AFF2: variants seen among roughly 807,000 people sequenced by gnomAD.
The protein encoded by AFF2 is AF4/FMR2 family member 2.
In AFF2, 14 loss-of-function variants were observed where a neutral mutation model predicts 76.9. The ratio of observed to expected loss-of-function variants is 0.18; its 90% CI spans 0.12 to 0.28. The LOEUF (loss-of-function observed/expected upper bound fraction) is 0.28. AFF2 is among the 10% of genes least tolerant of loss of function. AFF2 has a pLI of 1.00. For missense variants in AFF2, 868 were observed against 1,001.1 expected, an observed-to-expected ratio of 0.87 and a Z score of 1.79; for synonymous variants, 398 against 366.7, an observed-to-expected ratio of 1.09 and a Z score of -0.98.
chrX:148,633,475 C>T (rs1278329747), intron 1 of AFF2, among the ~76,000 whole-genome samples: 1 of 112,272 alleles, frequency 8.9e-6, no homozygotes, highest in African/African-American at 3.2e-5. Flanking sequence ...ATACACAAGC[C>T]TCATCAGCAT....
At chrX:148,882,654 A>AT (rs1240160122) in intron 7 of AFF2, among the ~76,000 whole-genome samples, 1 of 111,740 alleles carries the variant, frequency 8.9e-6, no homozygotes, top group Non-Finnish European at 1.9e-5. Context: ...AGAGATTACC[A>AT]TTTTTCTGCT....
intron 1 of AFF2, among the ~76,000 whole-genome samples, chrX:148,605,420 A>G (rs2053663260): frequency 9.0e-6 from 1 of 111,527 alleles, no homozygotes; most frequent in African/African-American, 3.3e-5. Context: ...AAATAGATAT[A>G]AACATGTATA....
intron 3 of AFF2, among the ~76,000 whole-genome samples, chrX:148,666,944 T>C (rs2054366648): frequency 8.9e-6 from 1 of 112,435 alleles, no homozygotes. Context: ...GCTTGCCAAG[T>C]AAATAATCAC....
chrX:148,951,165 G>GCA (rs781825506), intron 9 of AFF2, among the ~76,000 whole-genome samples: 5 of 39,092 alleles, frequency 1.3e-4, no homozygotes, highest in Non-Finnish European at 3.0e-4. Context: ...ACACATACAC[G>GCA]CACACACACA....
intron 4 of AFF2, among the ~76,000 whole-genome samples, chrX:148,829,166 A>G (rs2070423211): frequency 8.9e-6 from 1 of 112,543 alleles, no homozygotes; most frequent in African/African-American, 3.2e-5. Flanking sequence ...ATCATAAGTT[A>G]GTGTTAGAAA....
At position 148,994,220 on chromosome X, in the gene AFF2, C is replaced by G. The variant is rs782444131; in HGVS notation, c.*2888C>G. ...CCAGGTAGGGCCACCACTACGCCTT[C>G]ACTTGTCACCCAAGCTCCAACCACA... On this transcript the variant is annotated 3_prime_UTR_variant, in exon 21 of 21. Transcript: ENST00000370460. 3 of 112,240 alleles carry G rather than the reference C, an allele frequency of 2.7e-5. No individual in the cohort carries two copies. The Admixed American group carries it at 2.8e-4, about 11-fold the overall frequency. 9.2% of individuals were successfully genotyped at this position (112,240 alleles called of 1,213,427 possible). A position where few individuals can be genotyped will look rare whatever the true frequency, so the allele number is the denominator to read the frequency against.
At chrX:148,665,166 C>T (rs2054345652) in intron 3 of AFF2, among the ~76,000 whole-genome samples, 1 of 111,822 alleles carries the variant, frequency 8.9e-6, no homozygotes, top group Admixed American at 9.5e-5. Flanking sequence ...CAGCGAAATC[C>T]ACCCTGTTGT....
intron 3 of AFF2, among the ~76,000 whole-genome samples, chrX:148,788,775 A>G (rs1419489159): frequency 3.6e-5 from 4 of 111,765 alleles, no homozygotes; most frequent in Non-Finnish European, 7.5e-5. Context: ...CTTGCTTATT[A>G]CTTGGTTGGG....
At position 148,711,644 on chromosome X, in the gene AFF2, A is replaced by T. The variant is rs1291610810; in HGVS notation, c.1041+48876A>T. On this transcript the variant is annotated intron_variant, in intron 3 of 20. Transcript: ENST00000370460. The stretch of plus-strand genomic sequence containing the variant: ...CATCTCCTCATTCCCCTTGGAAAGT[A>T]TATTGGGGAACCTGGAAGATTTTAT... Among the ~76,000 whole-genome samples, 4 of 112,310 alleles carry T rather than the reference A, an allele frequency of 3.6e-5. No individual in the cohort carries two copies. In the East Asian group the frequency reaches 8.4e-4, roughly 23 times the overall value.
At chrX:148,818,281 T>C (rs1001918046) in intron 4 of AFF2, among the ~76,000 whole-genome samples, 1 of 112,003 alleles carries the variant, frequency 8.9e-6, no homozygotes, top group Admixed American at 9.5e-5. Flanking sequence ...AATAAATGTA[T>C]GGCAAAAAAT....
intron 1 of AFF2, among the ~76,000 whole-genome samples, chrX:148,556,766 C>G (rs2124298733): frequency 8.9e-6 from 1 of 112,314 alleles, no homozygotes; most frequent in East Asian, 2.8e-4. Context: ...ACTTACCTAT[C>G]TGATCTGAGT....
intron 9 of AFF2, among the ~76,000 whole-genome samples, chrX:148,918,758 T>C (rs1463454935): frequency 2.7e-5 from 3 of 111,873 alleles, no homozygotes; most frequent in African/African-American, 9.8e-5. Context: ...TTCTAGAGGC[T>C]AGAGGACAGA....
At chrX:148,681,660 GA>G (rs2054551379) in intron 3 of AFF2, among the ~76,000 whole-genome samples, 1 of 101,613 alleles carries the variant, frequency 9.8e-6, no homozygotes, top group Non-Finnish European at 2.0e-5. Flanking sequence ...GAGAAAGAAA[GA>G]AAGAGAAAGA....
Position 148,581,025 on chromosome X carries a change from G to GTGTATA in AFF2, c.48-70972_48-70967dup, listed in dbSNP as rs1344662136. Among the ~76,000 whole-genome samples the GTGTATA allele has an allele frequency of 4.7e-4, 20 of 42,241 alleles. 1 individual carries two copies. The highest frequency in any genetic ancestry group is 1.6e-3 in the African/African-American group (19 of 11,938). 36.7% of individuals were successfully genotyped at this position (42,241 alleles called of 115,157 possible). On this transcript the variant is annotated intron_variant, in intron 1 of 20. Coordinates refer to ENST00000370460, the MANE Select transcript of AFF2 (RefSeq NM_002025.4). ...ATGCACCTCCTACACACAAACATAT[G>GTGTATA]TGTATATATACACACATATATACAC...
At chrX:148,722,454 C>T (rs2055106331) in intron 3 of AFF2, among the ~76,000 whole-genome samples, 1 of 110,468 alleles carries the variant, frequency 9.1e-6, no homozygotes, top group Non-Finnish European at 1.9e-5. Flanking sequence ...ACTCGACCAG[C>T]GAGACCTTGT....
At chrX:148,584,141 A>G (rs782416357) in intron 1 of AFF2, among the ~76,000 whole-genome samples, 46 of 111,781 alleles carry the variant, frequency 4.1e-4, no homozygotes, top group Non-Finnish European at 7.0e-4. Flanking sequence ...TGAAACATTA[A>G]CATGCTTTCA....
intron 3 of AFF2, among the ~76,000 whole-genome samples, chrX:148,789,952 C>A (rs1371420548): frequency 9.0e-6 from 1 of 111,263 alleles, no homozygotes; most frequent in African/African-American, 3.3e-5. Flanking sequence ...ACCTCAGCTG[C>A]TGGGCTCTTT....
At chrX:148,716,680 C>T (rs1024495041) in intron 3 of AFF2, among the ~76,000 whole-genome samples, 1 of 111,415 alleles carries the variant, frequency 9.0e-6, no homozygotes, top group African/African-American at 3.3e-5. Context: ...ATGCAGGGAG[C>T]CCCTCTCTCA....
In AFF2 at chrX:148,554,581, G is replaced by T. The variant is rs781947438; in HGVS notation, c.47+53437G>T. 1.9e-3 allele frequency among the ~76,000 whole-genome samples: 208 copies of T among 112,257 alleles called. 1 individual carries two copies. The highest frequency in any genetic ancestry group is 6.4e-3 in the African/African-American group (197 of 30,922). The stretch of plus-strand genomic sequence containing the variant: ...ATCTTCAATAAGTTTTCCAATATTT[G>T]GGATTATTCAAGTATTTTAATAAAA... On this transcript the variant is annotated intron_variant, in intron 1 of 20. Coordinates refer to ENST00000370460, the MANE Select transcript of AFF2 (RefSeq NM_002025.4).
Sources: allele counts gnomAD v4.1 joint callset (sites outside exome capture counted in the v4.1 genomes callset), GRCh38; gene constraint gnomAD v4.1.1; transcripts MANE v1.5; gene names NCBI Gene and HGNC (gene_info 2026-07-23, HGNC 2026-07-21).